Variants in EML2 observed in about 807,000 individuals in gnomAD.
EML2 encodes the protein echinoderm microtubule-associated protein-like 2.
EML2 carries 59 observed loss-of-function variants against 84.7 expected under a neutral mutation model. The observed-to-expected ratio is 0.70, with a 90% confidence interval of 0.56 to 0.86. EML2 has a LOEUF of 0.86. Ranked by LOEUF, EML2 falls within the 40% of genes least tolerant of loss-of-function variation. The pLI, the probability that EML2 is intolerant of heterozygous loss-of-function variation, is 0.00. For missense variants in EML2, 818 were observed against 855.6 expected, an observed-to-expected ratio of 0.96 and a Z score of 0.55; for synonymous variants, 352 against 348.9, an observed-to-expected ratio of 1.01 and a Z score of -0.10.
chr19:45,628,824 AAAGTAAGTAAGTAAGT>A (rs11288209), intron 7 of EML2: 1 of 147,416 alleles, frequency 6.8e-6, no homozygotes, highest in Non-Finnish European at 1.5e-5. Context: ...ACTCCGTCTC[AAAGTAAGTAAGTAAGT>A]AAGTAAGTAA....
intron 3 of EML2, among the ~76,000 whole-genome samples, chr19:45,636,795 C>T (rs184514227): frequency 2.0e-4 from 31 of 152,306 alleles, no homozygotes; most frequent in Admixed American, 9.8e-4. Context: ...AAAAAACACA[C>T]AAAAAAATTA....
chr19:45,634,574 T>A (rs1973496523), intron 3 of EML2, 103 bp from the exon 4 acceptor site: 1 of 892,858 alleles, frequency 1.1e-6, no homozygotes. Flanking sequence ...ATTTATTTAT[T>A]TTTTTGAGAT....
At chr19:45,639,239 T>C in intron 1 of EML2, 118 bp downstream of exon 1, 1 of 1,069,026 alleles carries the variant, frequency 9.4e-7, no homozygotes. Flanking sequence ...ACGGGGAGAG[T>C]TTAAGGGAAG....
chr19:45,629,910 CA>C, intron 7 of EML2, 40 bp downstream of exon 7: 1 of 1,501,356 alleles, frequency 6.7e-7, no homozygotes, highest in African/African-American at 1.4e-5. Flanking sequence ...GAAAGTCCCA[CA>C]GTGGCACCCA....
At chr19:45,621,703 C>T in intron 9 of EML2, 66 bp from the exon 10 acceptor site, 1 of 1,493,074 alleles carries the variant, frequency 6.7e-7, no homozygotes, top group Non-Finnish European at 9.0e-7. Context: ...CTGAAAGCAT[C>T]TTGAACTCTC....
intron 3 of EML2, among the ~76,000 whole-genome samples, chr19:45,636,067 C>T (rs1271750292): frequency 6.6e-6 from 1 of 152,002 alleles, no homozygotes; most frequent in Non-Finnish European, 1.5e-5. Flanking sequence ...ATCTCCTGGG[C>T]TTAAGTGATC....
At position 45,626,839 on chromosome 19, in the gene EML2, A is replaced by C. The variant is rs766712004; in HGVS notation, c.607T>G (p.Cys203Gly). The C allele has an allele frequency of 6.2e-7, 1 of 1,609,814 alleles. No individual in the cohort carries two copies. The change falls in exon 8 of 19, where the codon TGC becomes GGC. Residue 203 changes from cysteine (C) to glycine (G), a missense_variant and splice_region_variant. Cys to Gly is a radical substitution (Grantham distance 159). Coordinates refer to ENST00000245925, the MANE Select transcript of EML2 (RefSeq NM_012155.4). ...GCCACCAATACAGCCTCATTGGAGC[A>C]CTTTGGGGGGTGGGGGAGATTCTGA... ...AKETKVVDVK[C>G]SNEAVLVATF...
At chr19:45,645,491 C>A (rs545170852), upstream of EML2, 10 of 1,399,834 alleles carry the variant, frequency 7.1e-6, no homozygotes, top group Middle Eastern at 2.6e-4. Context: ...CCGGGCCCGG[C>A]GCTGGGGTCA....
intron 6 of EML2, 70 bp downstream of exon 6, chr19:45,632,791 T>G (rs1600186391): frequency 2.2e-6 from 3 of 1,352,010 alleles, no homozygotes; most frequent in Non-Finnish European, 2.1e-6. Flanking sequence ...AAGGGGCGGG[T>G]GAAAAGGTGC....
chr19:45,642,066 G>T (rs1195041789), upstream of EML2: 6 of 1,445,544 alleles, frequency 4.2e-6, no homozygotes. Flanking sequence ...TTAGGGGACA[G>T]AAGAGGGTGA....
chr19:45,639,062 G>A (rs1359949384), intron 1 of EML2, 189 bp from the exon 2 acceptor site: 1 of 786,826 alleles, frequency 1.3e-6, no homozygotes, highest in Non-Finnish European at 2.3e-6. Context: ...TAAGACACAG[G>A]CCCAGAGAGG....
chr19:45,631,628 G>A (rs927449105), intron 6 of EML2, among the ~76,000 whole-genome samples: 4 of 150,908 alleles, frequency 2.7e-5, no homozygotes, highest in African/African-American at 7.3e-5. Flanking sequence ...GGCTGGTCTC[G>A]AACTCCTGAC....
rs1545040 is a variant in EML2 at position 45,626,741 on chromosome 19, C to A, written c.705G>T (p.Glu235Asp). The A allele has an allele frequency of 0.043, 69,112 of 1,613,664 alleles. 3,964 individuals are homozygous for A. Among genetic ancestry groups the A allele is most frequent in the African/African-American group, 0.21 (15,424 of 74,864 alleles). The change falls in exon 8 of 19, where the codon GAG becomes GAT. Residue 235 changes from glutamate (E) to aspartate (D), a missense_variant. Physicochemically the swap from Glu to Asp is conservative, Grantham distance 45. Transcript: ENST00000245925. ...GKSHIYFWTL[E>D]GGSLSKRQGL... ...CTTGCCGCTTGCTCAAGCTGCCCCC[C>A]TCCAAGGTCCAGAAGTAGATGTGAG...
intron 7 of EML2, among the ~76,000 whole-genome samples, chr19:45,628,014 G>A (rs952390640): frequency 4.0e-5 from 6 of 151,876 alleles, no homozygotes; most frequent in African/African-American, 7.3e-5. Flanking sequence ...GCAGTGAGCC[G>A]AGATCGTGCC....
chr19:45,629,411 C>T (rs144190434), intron 7 of EML2, among the ~76,000 whole-genome samples: 176 of 152,176 alleles, frequency 1.2e-3, no homozygotes, highest in African/African-American at 3.7e-3. Context: ...CCGCAACCTC[C>T]GCCTCCGGGT....
rs779678338 is a variant in EML2, at chr19:45,621,594, G to A, written c.885C>T (p.Gly295=). 3.2e-5 allele frequency: 51 copies of A among 1,610,582 alleles called. No homozygotes were observed. Among genetic ancestry groups the A allele is most frequent in the Middle Eastern group, 3.3e-4 (2 of 6,082 alleles). ...GCAGGGCGCAGAGCCCAAACACGCCGCCGTCGTGGGCGCCCAGCACCGCCT... is the reference window on the plus strand; with the variant it reads ...GCAGGGCGCAGAGCCCAAACACGCCACCGTCGTGGGCGCCCAGCACCGCCT... The part of the protein sequence containing the change: ...ITQAVLGAHD[G]GVFGLCALRD... Residue 295 remains glycine (G), a synonymous_variant, in exon 10 of 19, where the codon GGC becomes GGT. Coordinates refer to ENST00000245925, the MANE Select transcript of EML2 (RefSeq NM_012155.4).
intron 18 of EML2, among the ~76,000 whole-genome samples, chr19:45,610,819 G>A (rs1013520794): frequency 2.0e-5 from 3 of 152,078 alleles, no homozygotes; most frequent in South Asian, 2.1e-4. Flanking sequence ...CAGCCCGGGC[G>A]ATAGAGGGAG....
In EML2 at chr19:45,617,656, G is replaced by A. The variant is rs1302353050; in HGVS notation, c.1296C>T (p.Val432=). 1.2e-6 allele frequency: 2 copies of A among 1,613,988 alleles called. No homozygotes were observed. Among genetic ancestry groups the A allele is most frequent in the Non-Finnish European group, 1.7e-6 (2 of 1,179,932 alleles). ...TGCCAGTCACTGTACCCACAGCCAG[G>A]ACAGAGCCACTGGGGTGGAAGCCGG... ...RSAGFHPSGS[V]LAVGTVTGRW... Residue 432 remains valine (V), a synonymous_variant, in exon 13 of 19, where the codon GTC becomes GTT. Coordinates refer to ENST00000245925, the MANE Select transcript of EML2 (RefSeq NM_012155.4).
At chr19:45,616,693 C>A in intron 14 of EML2, 72 bp downstream of exon 14, 1 of 1,475,030 alleles carries the variant, frequency 6.8e-7, no homozygotes. Context: ...GGCTCCACCC[C>A]TCCCCCTGCC....
Sources: gnomAD v4.1 joint callset for allele counts (sites outside exome capture counted in the v4.1 genomes callset) on GRCh38, gnomAD v4.1.1 for gene constraint, MANE v1.5 for transcripts, NCBI Gene and HGNC (gene_info 2026-07-23, HGNC 2026-07-21) for gene names.